The following MORN1 variants were observed in gnomAD, a reference collection of about 807,000 sequenced individuals.
MORN1 encodes MORN repeat containing 1.
A neutral mutation model predicts 61.9 loss-of-function variants in MORN1; 67 were observed. The observed-to-expected ratio is 1.08, with a 90% CI of 0.89 to 1.33. The LOEUF is 1.33. Ranked by LOEUF, MORN1 falls within the 40% of genes most tolerant of loss-of-function variation. The pLI is 0.00. For missense variants in MORN1, 752 were observed against 691.2 expected (o/e 1.09, Z -0.99); for synonymous variants, 301 against 292.0 (o/e 1.03, Z -0.31).
At chr1:2,336,298 G>T (rs574585771) in intron 12 of MORN1, among the ~76,000 whole-genome samples, 171 bp downstream of exon 12, 2 of 152,226 alleles carry the variant, frequency 1.3e-5, no homozygotes, top group Non-Finnish European at 2.9e-5. Context: ...TGTTAGCCCC[G>T]CGAGACCCTG....
chr1:2,347,765 G>C (rs1402670751), intron 10 of MORN1, among the ~76,000 whole-genome samples: 1 of 152,152 alleles, frequency 6.6e-6, no homozygotes, highest in Non-Finnish European at 1.5e-5. Flanking sequence ...CTCGGCCCCC[G>C]CTGCCCCCGT....
At chr1:2,386,050 C>T (rs1642490888) in intron 4 of MORN1, 153 bp from the exon 5 acceptor site, 1 of 651,104 alleles carries the variant, frequency 1.5e-6, no homozygotes, top group South Asian at 1.7e-5. Flanking sequence ...GACAGACCCT[C>T]CAGACCTGGC....
Position 2,357,399 on chromosome 1 carries a change from C to A in MORN1, c.1036+33G>T, listed in dbSNP as rs1325875299. The A allele has an allele frequency of 3.3e-5, 52 of 1,553,490 alleles. No homozygotes were observed. The highest frequency in any genetic ancestry group is 4.5e-5 in the Non-Finnish European group (52 of 1,147,792). On this transcript the variant is annotated intron_variant, in intron 10 of 13. Transcript: ENST00000378531. This position sits in a 1 kb window ranked among gnomAD's most constrained non-coding sequence, Gnocchi z 6.3. ...ACCTTGACTGCTGGGCCTGGGCCCA[C>A]CCACCCCCAACTGGTTTGTGAGCTC...
At chr1:2,386,713 G>C (rs1425893218) in intron 4 of MORN1, 1 of 152,668 alleles carries the variant, frequency 6.6e-6, no homozygotes, top group Non-Finnish European at 1.5e-5. Context: ...ACAAGCGTGA[G>C]CTACCACGCC....
At chr1:2,389,848 C>T in intron 2 of MORN1, 77 bp downstream of exon 2, 1 of 1,383,582 alleles carries the variant, frequency 7.2e-7, no homozygotes, top group Non-Finnish European at 1.0e-6. Context: ...CACTTGCCCA[C>T]CCAACCTCCC....
intron 6 of MORN1, chr1:2,379,172 T>C (rs980517391): frequency 2.1e-6 from 1 of 471,014 alleles, no homozygotes; most frequent in Non-Finnish European, 4.4e-6. Context: ...TCATGGTGCC[T>C]GGGTAGCAGC....
chr1:2,391,455 T>A lies in MORN1; in HGVS notation c.76+3A>T, dbSNP rs755389502. 1.9e-5 allele frequency: 24 copies of A among 1,255,964 alleles called. No homozygotes were observed. The highest frequency in any genetic ancestry group is 2.4e-5 in the Non-Finnish European group (24 of 992,778). The allele number at this position is 1,255,964 out of a possible 1,614,324, so 77.8% of individuals were successfully genotyped here. Reference sequence around the variant, plus strand: ...GACCTGTCCCGTGGCCCGCAGTCGTTACCGTTCCGGGGCGGCCGCCTAGGC... The same window carrying A: ...GACCTGTCCCGTGGCCCGCAGTCGTAACCGTTCCGGGGCGGCCGCCTAGGC... On this transcript the variant is annotated splice_donor_region_variant and intron_variant, in intron 1 of 13. Transcript: ENST00000378531.
intron 8 of MORN1, chr1:2,371,472 G>A (rs10910060): frequency 0.2 from 30,172 of 152,236 alleles, 3,678 homozygotes; most frequent in East Asian, 0.45. Flanking sequence ...ATCACGAGGA[G>A]CTATCACTTC....
At chr1:2,331,366 A>T (rs1641144417) in intron 12 of MORN1, among the ~76,000 whole-genome samples, 1 of 152,200 alleles carries the variant, frequency 6.6e-6, no homozygotes, top group African/African-American at 2.4e-5. Context: ...ACGTGGCCAC[A>T]GGGGTGGGCG....
chr1:2,385,982 G>A (rs887156473), intron 4 of MORN1, 85 bp from the exon 5 acceptor site: 38 of 1,207,256 alleles, frequency 3.1e-5, no homozygotes, highest in South Asian at 2.2e-4. Flanking sequence ...CTTGGAGGGC[G>A]GGCAGGAGCA....
intron 10 of MORN1, among the ~76,000 whole-genome samples, chr1:2,339,198 C>A (rs1185309460): frequency 6.6e-6 from 1 of 152,180 alleles, no homozygotes; most frequent in East Asian, 1.9e-4. Context: ...GCCTTGGCCT[C>A]AGAGGAGCCT....
chr1:2,360,839 G>A lies in MORN1; in HGVS notation c.746-2124C>T, dbSNP rs536435261. ...CTCAGCCAGGCTGGAAAAACTCAGA[G>A]GTCACAGGAAGCGGGGGCAAGCTTT... On this transcript the variant is annotated intron_variant, in intron 8 of 13. Transcript: ENST00000378531. 6.6e-5 allele frequency among the ~76,000 whole-genome samples: 10 copies of A among 152,326 alleles called. No homozygotes were observed. In the East Asian group the frequency reaches 1.9e-3, roughly 29 times the overall value.
rs111294384 is a variant in MORN1 at position 2,388,650 on chromosome 1, G to A, written c.149-313C>T. On this transcript the variant is annotated intron_variant, in intron 2 of 13. Coordinates refer to ENST00000378531, the MANE Select transcript of MORN1 (RefSeq NM_024848.3). Reference sequence around the variant, plus strand: ...AAAAATTAGCCAGGTGTGGTGGTACGTGTTTGTGGGTCCAGCTGCTCAGGA... The same window carrying A: ...AAAAATTAGCCAGGTGTGGTGGTACATGTTTGTGGGTCCAGCTGCTCAGGA... The A allele has an allele frequency of 5.9e-3, 1,874 of 316,234 alleles. 36 individuals carry two copies. The highest frequency in any genetic ancestry group is 0.039 in the African/African-American group (1,747 of 45,348). 19.6% of individuals were successfully genotyped at this position (316,234 alleles called of 1,614,324 possible).
intron 12 of MORN1, among the ~76,000 whole-genome samples, chr1:2,335,761 G>A (rs1429025298): frequency 6.6e-6 from 1 of 150,934 alleles, no homozygotes; most frequent in Non-Finnish European, 1.5e-5. Flanking sequence ...TCCACAGTGT[G>A]CGGGGCCAGG....
At chr1:2,341,767 GA>G (rs1376318231) in intron 10 of MORN1, among the ~76,000 whole-genome samples, 1 of 152,106 alleles carries the variant, frequency 6.6e-6, no homozygotes, top group East Asian at 1.9e-4. Flanking sequence ...ATTAAACTCA[GA>G]AAAGCCGAGG....
At chr1:2,352,127 G>C (rs1323964529) in intron 10 of MORN1, 1 of 394,486 alleles carries the variant, frequency 2.5e-6, no homozygotes, top group Admixed American at 3.3e-5. Context: ...TAGAGTGTTT[G>C]TGAGCTTTTT....
chr1:2,348,967 G>A (rs1641591134), intron 10 of MORN1, among the ~76,000 whole-genome samples: 1 of 152,122 alleles, frequency 6.6e-6, no homozygotes, highest in Non-Finnish European at 1.5e-5. Context: ...CCAGCCCACG[G>A]GTTCCTTCTT....
intron 8 of MORN1, chr1:2,371,301 G>A (rs1642117642): frequency 6.6e-6 from 1 of 152,196 alleles, no homozygotes; most frequent in Non-Finnish European, 1.5e-5. Context: ...CCGAAGTGCT[G>A]GGATTTTAGG....
chr1:2,322,493 G>A (rs1441766017), intron 13 of MORN1: 3 of 985,406 alleles, frequency 3.0e-6, no homozygotes, highest in Non-Finnish European at 2.4e-6. Context: ...CGTTCCCAGG[G>A]CTGGACAAGA....
Sources: allele counts gnomAD v4.1 joint callset (sites outside exome capture counted in the v4.1 genomes callset), GRCh38; gene constraint gnomAD v4.1.1; non-coding constraint Gnocchi (gnomAD v3.1); transcripts MANE v1.5; gene names NCBI Gene and HGNC (gene_info 2026-07-23, HGNC 2026-07-21).